The following DDAH1 variants were observed in gnomAD, a reference collection of about 807,000 sequenced individuals.
DDAH1 encodes the protein N(G),N(G)-dimethylarginine dimethylaminohydrolase 1.
Under a neutral mutation model 28.8 loss-of-function variants are expected in DDAH1, and 19 were observed. The observed-to-expected ratio is 0.66, with a 90% confidence interval of 0.46 to 0.97. The LOEUF is 0.97. Ranked by LOEUF, DDAH1 falls within the 50% of genes least tolerant of loss-of-function variation. DDAH1 has a pLI of 0.00. For missense variants in DDAH1, 326 were observed against 375.9 expected (o/e 0.87, Z 1.10); for synonymous variants, 153 against 154.4 (o/e 0.99, Z 0.07).
At chr1:85,327,424 T>A (rs978598008) in intron 4 of DDAH1, among the ~76,000 whole-genome samples, 15 of 152,262 alleles carry the variant, frequency 9.9e-5, no homozygotes, top group African/African-American at 3.1e-4. Context: ...ACATGTAATC[T>A]AGTAGTGTTG....
At chr1:85,556,486 T>C (rs1189031087) in intron 1 of DDAH1, among the ~76,000 whole-genome samples, 2 of 152,142 alleles carry the variant, frequency 1.3e-5, no homozygotes, top group Non-Finnish European at 2.9e-5. Context: ...ATCAAAGCAT[T>C]CTAGAAGGAC....
At chr1:85,485,902 G>A (rs1267524655) in intron 2 of DDAH1, among the ~76,000 whole-genome samples, 18 of 152,142 alleles carry the variant, frequency 1.2e-4, no homozygotes, top group Non-Finnish European at 2.9e-5. Context: ...TGCCTCACTA[G>A]TGGCCTATTG....
intron 1 of DDAH1, among the ~76,000 whole-genome samples, chr1:85,371,014 G>A (rs957585672): frequency 2.6e-5 from 4 of 152,160 alleles, no homozygotes; most frequent in Non-Finnish European, 5.9e-5. Flanking sequence ...AGTGATGTGA[G>A]GAAACTTGCC....
intron 1 of DDAH1, among the ~76,000 whole-genome samples, chr1:85,560,851 T>C (rs979971192): frequency 6.6e-6 from 1 of 152,128 alleles, no homozygotes; most frequent in African/African-American, 2.4e-5. Context: ...TTAATATTAA[T>C]GTATAAACAT....
At chr1:85,452,595 A>C (rs1654715277) in intron 1 of DDAH1, among the ~76,000 whole-genome samples, 1 of 152,238 alleles carries the variant, frequency 6.6e-6, no homozygotes, top group African/African-American at 2.4e-5. Flanking sequence ...TACGAGTTGA[A>C]CTTAAAATTT....
chr1:85,400,681 A>G (rs1397079009), intron 1 of DDAH1, among the ~76,000 whole-genome samples: 1 of 152,036 alleles, frequency 6.6e-6, no homozygotes, highest in Non-Finnish European at 1.5e-5. Flanking sequence ...TAGTAATCAC[A>G]TTTTCACTTC....
At chr1:85,576,539 T>G (rs1659610124) in intron 1 of DDAH1, 1 of 152,334 alleles carries the variant, frequency 6.6e-6, no homozygotes, top group South Asian at 2.1e-4. Context: ...TCCCCAGAGC[T>G]GGCTACACGT....
upstream of DDAH1, among the ~76,000 whole-genome samples, chr1:85,470,113 G>A (rs1557667313): frequency 6.6e-6 from 1 of 152,154 alleles, no homozygotes; most frequent in Non-Finnish European, 1.5e-5. Flanking sequence ...ACTTTCATAG[G>A]AGACAGGTGT....
At chr1:85,476,416 A>G (rs1028150728) in intron 2 of DDAH1, among the ~76,000 whole-genome samples, 5 of 152,220 alleles carry the variant, frequency 3.3e-5, no homozygotes, top group Admixed American at 3.3e-4. Flanking sequence ...GGGCAGCTGA[A>G]GCTGGGAACC....
At chr1:85,474,461 C>A (rs1175467511) in intron 2 of DDAH1, among the ~76,000 whole-genome samples, 1 of 152,150 alleles carries the variant, frequency 6.6e-6, no homozygotes, top group African/African-American at 2.4e-5. Context: ...ACTTGGGCTT[C>A]TGTGCATGGT....
chr1:85,515,005 C>T (rs1268134812), intron 1 of DDAH1, among the ~76,000 whole-genome samples: 1 of 75,666 alleles, frequency 1.3e-5, no homozygotes, highest in African/African-American at 5.0e-5. Flanking sequence ...TTTCAGTGTA[C>T]AGAGCTAGAA....
At chr1:85,340,118 G>C (rs193107064) in intron 4 of DDAH1, among the ~76,000 whole-genome samples, 47 of 152,286 alleles carry the variant, frequency 3.1e-4, no homozygotes, top group Admixed American at 7.2e-4. Flanking sequence ...AAAGGGTAAA[G>C]GACAGAGACT....
intron 2 of DDAH1, among the ~76,000 whole-genome samples, chr1:85,488,020 C>A (rs769747772): frequency 6.6e-6 from 1 of 151,996 alleles, no homozygotes; most frequent in Non-Finnish European, 1.5e-5. Context: ...CCCGTCTCTA[C>A]TAAAAATACA....
intron 2 of DDAH1, among the ~76,000 whole-genome samples, chr1:85,475,324 A>T (rs1239601242): frequency 6.6e-6 from 1 of 152,214 alleles, no homozygotes; most frequent in Non-Finnish European, 1.5e-5. Context: ...ATGATGGAGG[A>T]GGAGAAGGGG....
intron 1 of DDAH1, among the ~76,000 whole-genome samples, chr1:85,458,486 T>G (rs1279932561): frequency 7.0e-6 from 1 of 142,936 alleles, no homozygotes; most frequent in Non-Finnish European, 1.5e-5. Context: ...TGGAGTGCAG[T>G]GGTGCTATCT....
chr1:85,498,500 T>G (rs1026517808), intron 1 of DDAH1, among the ~76,000 whole-genome samples: 20 of 152,342 alleles, frequency 1.3e-4, no homozygotes, highest in African/African-American at 4.6e-4. Flanking sequence ...ATACTACACA[T>G]GTAGTGATGT....
intron 1 of DDAH1, among the ~76,000 whole-genome samples, chr1:85,527,883 A>G (rs1393678604): frequency 6.6e-6 from 1 of 152,162 alleles, no homozygotes; most frequent in Non-Finnish European, 1.5e-5. Context: ...TAAAAATTCT[A>G]TTTATGGGTA....
chr1:85,533,670 C>T (rs1231206243), intron 1 of DDAH1, among the ~76,000 whole-genome samples: 1 of 152,150 alleles, frequency 6.6e-6, no homozygotes, highest in Non-Finnish European at 1.5e-5. Context: ...TGTACAAGAA[C>T]AAAGCCTTAG....
chr1:85,396,307 T>TA (rs780469091), intron 1 of DDAH1, among the ~76,000 whole-genome samples: 1 of 152,184 alleles, frequency 6.6e-6, no homozygotes, highest in Non-Finnish European at 1.5e-5. Context: ...GCTGGAAGAC[T>TA]GGGCATCTGA....
Sources: gnomAD v4.1 joint callset for allele counts (sites outside exome capture counted in the v4.1 genomes callset) on GRCh38, gnomAD v4.1.1 for gene constraint, MANE v1.5 for transcripts, NCBI Gene and HGNC (gene_info 2026-07-23, HGNC 2026-07-21) for gene names.